Variants in SGK1 observed in about 807,000 individuals in gnomAD.
The protein encoded by SGK1 is serum/glucocorticoid regulated kinase 1.
In SGK1, 26 loss-of-function variants were observed where a neutral mutation model predicts 64.2. That is an observed-to-expected ratio of 0.40 (90% confidence interval 0.30 to 0.56). The LOEUF (loss-of-function observed/expected upper bound fraction) is 0.56, where lower values mean the gene tolerates loss of function less well. Ranked by LOEUF, SGK1 falls within the 20% of genes least tolerant of loss-of-function variation. The pLI, the probability that SGK1 is intolerant of heterozygous loss-of-function variation, is 0.38. For synonymous variants in SGK1, 265 were observed against 239.7 expected (o/e 1.11, Z -0.98); for missense variants, 519 against 645.6 (o/e 0.80, Z 2.12).
chr6:134,212,059 G>GC (rs1554221186), intron 2 of SGK1, among the ~76,000 whole-genome samples: 1 of 63,136 alleles, frequency 1.6e-5, no homozygotes, highest in Non-Finnish European at 4.0e-5. Flanking sequence ...TTTGTTTTTT[G>GC]TTTTTTTTGG....
intron 3 of SGK1, among the ~76,000 whole-genome samples, chr6:134,200,360 C>A (rs1775661764): frequency 6.6e-6 from 1 of 152,122 alleles, no homozygotes; most frequent in African/African-American, 2.4e-5. Flanking sequence ...AAAAGAAAGA[C>A]TTAAAAAATG....
intron 2 of SGK1, among the ~76,000 whole-genome samples, chr6:134,258,921 G>A (rs1039245854): frequency 1.3e-5 from 2 of 152,084 alleles, no homozygotes; most frequent in South Asian, 2.1e-4. Flanking sequence ...CCTGGAGGTC[G>A]AGGCTGCAGT....
At chr6:134,222,717 AAAT>A (rs1279263303) in intron 2 of SGK1, among the ~76,000 whole-genome samples, 2 of 152,202 alleles carry the variant, frequency 1.3e-5, no homozygotes, top group Non-Finnish European at 2.9e-5. Context: ...GGCTGGGAAA[AAAT>A]AATCTTCAAA....
At chr6:134,172,817 T>G (rs1319312039) in intron 8 of SGK1, 43 bp from the exon 9 acceptor site, 3 of 1,438,130 alleles carry the variant, frequency 2.1e-6, no homozygotes, top group East Asian at 2.3e-5. Context: ...GCAAATGAAT[T>G]TAATTAGTTT....
intron 1 of SGK1, among the ~76,000 whole-genome samples, chr6:134,277,726 G>A (rs554133658): frequency 1.2e-4 from 19 of 152,078 alleles, no homozygotes; most frequent in African/African-American, 3.9e-4. Context: ...CTTAAACTCC[G>A]TAATAACCTA....
intron 2 of SGK1, among the ~76,000 whole-genome samples, chr6:134,229,108 G>A (rs1776237434): frequency 6.6e-6 from 1 of 152,246 alleles, no homozygotes. Context: ...TGGGATTACA[G>A]GCGTGAGCCA....
At chr6:134,302,421 A>T (rs1214416105) in intron 1 of SGK1, among the ~76,000 whole-genome samples, 1 of 152,234 alleles carries the variant, frequency 6.6e-6, no homozygotes. Flanking sequence ...TCCTAAGCCT[A>T]TAGAAACAAC....
At chr6:134,238,583 T>A (rs778359069) in intron 2 of SGK1, among the ~76,000 whole-genome samples, 17 of 9,500 alleles carry the variant, frequency 1.8e-3, no homozygotes, top group Non-Finnish European at 6.0e-3. Flanking sequence ...AAAGTCAGTG[T>A]TTTTTTTTTT....
At chr6:134,180,612 C>T (rs1312784920) in intron 3 of SGK1, among the ~76,000 whole-genome samples, 1 of 152,070 alleles carries the variant, frequency 6.6e-6, no homozygotes, top group Non-Finnish European at 1.5e-5. Flanking sequence ...GGGGCTCACA[C>T]CTCTAATCCC....
intron 3 of SGK1, among the ~76,000 whole-genome samples, chr6:134,191,044 G>A (rs1344289606): frequency 6.6e-6 from 1 of 152,178 alleles, no homozygotes; most frequent in African/African-American, 2.4e-5. Context: ...GTAAAAGCAT[G>A]TGGCTTTATT....
chr6:134,272,182 C>G (rs1225255021), intron 1 of SGK1, among the ~76,000 whole-genome samples: 11 of 140,896 alleles, frequency 7.8e-5, no homozygotes, highest in African/African-American at 2.6e-4. Context: ...GCTCTGTTGC[C>G]CAGGCTGGAG....
intron 4 of SGK1, 127 bp from the exon 5 acceptor site, chr6:134,174,207 CA>C (rs1290681341): frequency 3.0e-6 from 2 of 668,784 alleles, no homozygotes; most frequent in East Asian, 5.3e-5. Flanking sequence ...GAAAATACCC[CA>C]ATACATTAGT....
At chr6:134,227,943 CTTTTTTTTTTTTTTT>C (rs869082001) in intron 2 of SGK1, among the ~76,000 whole-genome samples, 8 of 69,754 alleles carry the variant, frequency 1.1e-4, no homozygotes, top group Non-Finnish European at 1.5e-4. Context: ...GGAATTCATT[CTTTTTTTTTTTTTTT>C]TTTTTTTTTT....
At chr6:134,228,197 C>T (rs2114709875) in intron 2 of SGK1, among the ~76,000 whole-genome samples, 1 of 152,148 alleles carries the variant, frequency 6.6e-6, no homozygotes, top group South Asian at 2.1e-4. Context: ...TCAGGTGATC[C>T]ACCCGCCTCG....
At chr6:134,231,606 C>G (rs1331705867) in intron 2 of SGK1, among the ~76,000 whole-genome samples, 1 of 152,176 alleles carries the variant, frequency 6.6e-6, no homozygotes, top group Admixed American at 6.6e-5. Context: ...TAATTTATCT[C>G]AAATAAATAA....
Position 134,297,259 on chromosome 6 carries a change from C to G in SGK1, c.69+20133G>C, listed in dbSNP as rs958770760. ...CCCTCCAGCAGCTTCCTGTAGGTTG[C>G]GATCTCAATGTCCAGGGCCAGCTTG... On this transcript the variant is annotated intron_variant, in intron 1 of 13. Transcript: ENST00000367858. 4.4e-5 allele frequency: 53 copies of G among 1,213,102 alleles called. No individual in the cohort carries two copies. In the African/African-American group the frequency reaches 6.4e-4, roughly 15 times the overall value. The allele number at this position is 1,213,102 out of a possible 1,614,324, so 75.1% of individuals were successfully genotyped here.
Position 134,174,034 on chromosome 6 carries a change from C to G in SGK1, c.484G>C (p.Glu162Gln). 1 of 1,613,560 alleles carries G rather than the reference C, an allele frequency of 6.2e-7. No homozygotes were observed. Among genetic ancestry groups the G allele is most frequent in the Non-Finnish European group, 8.5e-7 (1 of 1,179,824 alleles). ...ILKISQPQEP[E>Q]LMNANPSPPP... The stretch of plus-strand genomic sequence containing the variant: ...GGAGAAGGGTTGGCATTCATAAGCT[C>G]AGGCTCCTGAGGTTGGGAGATCTTC... The change falls in exon 5 of 14, where the codon GAG (glutamate) becomes CAG (glutamine). Residue 162 changes from glutamate to glutamine, a missense_variant. Around this residue, in one of 2 missense-constraint regions of SGK1, gnomAD observed 241 missense variants for 236.9 expected, o/e 1.02. Transcript: ENST00000367858.
rs189069539 is a variant in SGK1, at chr6:134,212,179, G to A, written c.286-4748C>T. ...CGCCATTCTCCTGCCTCAGCCTCCC[G>A]AGTAGCTGGGACTACAGGCGCCTGC... On this transcript the variant is annotated intron_variant, in intron 2 of 13. Coordinates refer to ENST00000367858, the MANE Select transcript of SGK1 (RefSeq NM_001143676.3). Among the ~76,000 whole-genome samples, 340 of 151,668 alleles carry A rather than the reference G, an allele frequency of 2.2e-3. 12 individuals carry two copies. The East Asian group carries it at 0.061, about 27-fold the overall frequency.
intron 3 of SGK1, among the ~76,000 whole-genome samples, chr6:134,187,687 A>G (rs879791251): frequency 1.3e-5 from 2 of 152,212 alleles, no homozygotes; most frequent in Non-Finnish European, 2.9e-5. Flanking sequence ...TGGCTATAAA[A>G]TGTATTCCTT....
Sources: gnomAD v4.1 joint callset for allele counts (sites outside exome capture counted in the v4.1 genomes callset) on GRCh38, gnomAD v4.1.1 for gene constraint, gnomAD v4.1.1 regional missense constraint, MANE v1.5 for transcripts, NCBI Gene and HGNC (gene_info 2026-07-23, HGNC 2026-07-21) for gene names.